Variants in CNTLN observed in about 807,000 individuals in gnomAD.
CNTLN encodes the protein centlein.
Under a neutral mutation model 180.0 loss-of-function variants are expected in CNTLN, and 212 were observed. That is an observed-to-expected ratio of 1.18 (90% CI 1.05 to 1.32). The LOEUF is 1.32. Among genes scored for constraint, CNTLN ranks in the 40% most tolerant of loss-of-function variants. The pLI is 0.00. For missense variants in CNTLN, 2,095 were observed against 1,610.9 expected, an observed-to-expected ratio of 1.30 and a Z score of -5.14; for synonymous variants, 722 against 563.1, an observed-to-expected ratio of 1.28 and a Z score of -3.99.
rs548332897 is a variant in CNTLN at position 17,443,975 on chromosome 9, A to G, written c.3115-13549A>G. Among the ~76,000 whole-genome samples, 369 of 152,358 alleles carry G rather than the reference A, an allele frequency of 2.4e-3. 1 individual carries two copies. The highest frequency in any genetic ancestry group is 4.7e-3 in the Non-Finnish European group (317 of 68,030). ...AGTGTCAGATCCCATAGAGGAACTG[A>G]TAATAGAAAACTGAGAAGAGACTGT... is the stretch of plus-strand genomic sequence containing the variant. On this transcript the variant is annotated intron_variant, in intron 18 of 25. Transcript: ENST00000380647.
intron 15 of CNTLN, among the ~76,000 whole-genome samples, chr9:17,399,098 C>T (rs1285191038): frequency 6.6e-6 from 1 of 152,162 alleles, no homozygotes; most frequent in Non-Finnish European, 1.5e-5. Context: ...GGACGCAAGT[C>T]CTTTCTTTTC....
At chr9:17,204,589 C>T (rs994665149) in intron 2 of CNTLN, among the ~76,000 whole-genome samples, 3 of 152,152 alleles carry the variant, frequency 2.0e-5, no homozygotes, top group African/African-American at 7.2e-5. Context: ...CAGGAGCTCT[C>T]CTGTATGAGG....
At chr9:17,174,735 T>TTG (rs1820617614) in intron 2 of CNTLN, among the ~76,000 whole-genome samples, 1 of 152,082 alleles carries the variant, frequency 6.6e-6, no homozygotes, top group Admixed American at 6.6e-5. Flanking sequence ...GCCAAACCGT[T>TTG]TGTCAGAGTG....
chr9:17,432,762 G>A (rs1245707969), intron 18 of CNTLN, among the ~76,000 whole-genome samples: 1 of 152,120 alleles, frequency 6.6e-6, no homozygotes, highest in Non-Finnish European at 1.5e-5. Context: ...GCTCATGCCT[G>A]TAATCTCAGC....
intron 15 of CNTLN, among the ~76,000 whole-genome samples, chr9:17,404,178 C>T (rs907250793): frequency 7.9e-5 from 12 of 151,668 alleles, no homozygotes; most frequent in Non-Finnish European, 1.5e-4. Flanking sequence ...TGGCTGTATA[C>T]GACAGTAGAT....
chr9:17,340,804 A>G, intron 10 of CNTLN, 23 bp from the exon 11 acceptor site: 1 of 1,592,598 alleles, frequency 6.3e-7, no homozygotes, highest in Middle Eastern at 1.7e-4. Context: ...ACTTATATAT[A>G]CTTGCTTTTT....
chr9:17,162,833 T>C (rs1329732712), intron 2 of CNTLN, among the ~76,000 whole-genome samples: 1 of 152,164 alleles, frequency 6.6e-6, no homozygotes, highest in Non-Finnish European at 1.5e-5. Context: ...TCATTTTGGT[T>C]TCAATGGATG....
chr9:17,275,486 T>G (rs1934500637), intron 6 of CNTLN, among the ~76,000 whole-genome samples: 1 of 152,108 alleles, frequency 6.6e-6, no homozygotes, highest in African/African-American at 2.4e-5. Context: ...TTATCATGTT[T>G]TGGGTTACCT....
chr9:17,283,374 T>A (rs1828781311), intron 6 of CNTLN, among the ~76,000 whole-genome samples: 1 of 152,186 alleles, frequency 6.6e-6, no homozygotes, highest in Non-Finnish European at 1.5e-5. Context: ...AATGGGAAGT[T>A]CATTCATGAT....
intron 3 of CNTLN, among the ~76,000 whole-genome samples, chr9:17,234,432 A>G (rs546667110): frequency 7.7e-6 from 1 of 129,876 alleles, no homozygotes; most frequent in South Asian, 2.6e-4. Context: ...GACATGACAG[A>G]GCGAGACCTG....
At chr9:17,288,595 G>A (rs1329414487) in intron 6 of CNTLN, among the ~76,000 whole-genome samples, 2 of 130,398 alleles carry the variant, frequency 1.5e-5, no homozygotes, top group Non-Finnish European at 3.2e-5. Context: ...TCTGTCTAAT[G>A]TTGACAGTGG....
chr9:17,505,308 T>A (rs1833912823), downstream of CNTLN, among the ~76,000 whole-genome samples: 1 of 151,836 alleles, frequency 6.6e-6, no homozygotes, highest in African/African-American at 2.4e-5. Context: ...CAACATAACG[T>A]GGGAAATTCT....
intron 5 of CNTLN, among the ~76,000 whole-genome samples, chr9:17,245,541 C>G (rs577561366): frequency 6.6e-6 from 1 of 151,226 alleles, no homozygotes; most frequent in African/African-American, 2.4e-5. Context: ...GTTACATCTA[C>G]TTCATGGTCT....
intron 12 of CNTLN, among the ~76,000 whole-genome samples, chr9:17,361,304 G>A (rs566315559): frequency 6.6e-6 from 1 of 152,020 alleles, no homozygotes; most frequent in Middle Eastern, 3.4e-3. Context: ...TTTTAGCACA[G>A]GTTTTAGAGT....
chr9:17,222,884 A>G (rs998998670), intron 2 of CNTLN, among the ~76,000 whole-genome samples: 5 of 151,952 alleles, frequency 3.3e-5, no homozygotes, highest in African/African-American at 9.7e-5. Flanking sequence ...TAATCTATAA[A>G]TGTTGAAATG....
intron 2 of CNTLN, among the ~76,000 whole-genome samples, chr9:17,161,021 A>G (rs1402410701): frequency 6.6e-6 from 1 of 152,192 alleles, no homozygotes; most frequent in Non-Finnish European, 1.5e-5. Flanking sequence ...GACAATTTAT[A>G]ATAAGAATTT....
rs543652756 is a variant in CNTLN, at chr9:17,140,235, C to T, written c.361-3053C>T. ...AGCATTTAAATAACTGAAAAACTCACAAAATTCATATATAACATAGTTCCA... is the reference window on the plus strand; with the variant it reads ...AGCATTTAAATAACTGAAAAACTCATAAAATTCATATATAACATAGTTCCA... On this transcript the variant is annotated intron_variant, in intron 1 of 25. Coordinates refer to ENST00000380647, the MANE Select transcript of CNTLN (RefSeq NM_017738.4). 1.5e-4 allele frequency among the ~76,000 whole-genome samples: 23 copies of T among 152,162 alleles called. No individual in the cohort carries two copies. The South Asian group carries it at 4.6e-3, about 30-fold the overall frequency.
chr9:17,256,091 A>G (rs555169324), intron 5 of CNTLN, among the ~76,000 whole-genome samples: 1 of 151,710 alleles, frequency 6.6e-6, no homozygotes, highest in South Asian at 2.1e-4. Context: ...AAAGGATATG[A>G]TTTTTTTAAC....
At chr9:17,269,715 T>G (rs1166866184) in intron 5 of CNTLN, among the ~76,000 whole-genome samples, 2 of 152,182 alleles carry the variant, frequency 1.3e-5, no homozygotes. Context: ...GCCATTAAGA[T>G]GAATGTATAT....
Sources: allele counts gnomAD v4.1 joint callset (sites outside exome capture counted in the v4.1 genomes callset), GRCh38; gene constraint gnomAD v4.1.1; transcripts MANE v1.5; gene names NCBI Gene and HGNC (gene_info 2026-07-23, HGNC 2026-07-21).